Variants in PCDH9 observed in about 807,000 individuals in gnomAD.
PCDH9 encodes the protein protocadherin-9.
Under a neutral mutation model 70.6 loss-of-function variants are expected in PCDH9, and 24 were observed. That is an observed-to-expected ratio of 0.34 (90% CI 0.25 to 0.48). The LOEUF (loss-of-function observed/expected upper bound fraction) is 0.48. Ranked by LOEUF, PCDH9 falls within the 20% of genes least tolerant of loss-of-function variation. The probability of loss-of-function intolerance (pLI) is 0.99; values close to 1 mark genes in which losing one functional copy is unlikely to be tolerated. For synonymous variants in PCDH9, 562 were observed against 558.5 expected, an observed-to-expected ratio of 1.01 and a Z score of -0.09; for missense variants, 1,281 against 1,503.6, an observed-to-expected ratio of 0.85 and a Z score of 2.45.
chr13:66,995,317 C>T (rs2084090820), intron 2 of PCDH9, among the ~76,000 whole-genome samples: 1 of 152,044 alleles, frequency 6.6e-6, no homozygotes, highest in Non-Finnish European at 1.5e-5. Context: ...AAGAGGTGGA[C>T]AGTGATATAT....
At chr13:67,065,912 T>G (rs768115750) in intron 2 of PCDH9, among the ~76,000 whole-genome samples, 29 of 152,150 alleles carry the variant, frequency 1.9e-4, no homozygotes, top group Non-Finnish European at 4.1e-4. Flanking sequence ...TCAGTACATG[T>G]TTTGAAAGAC....
chr13:66,468,572 C>T (rs1463978618), intron 4 of PCDH9, among the ~76,000 whole-genome samples: 1 of 152,080 alleles, frequency 6.6e-6, no homozygotes, highest in Non-Finnish European at 1.5e-5. Flanking sequence ...TCTTGCAGTA[C>T]AATGATGATA....
intron 4 of PCDH9, among the ~76,000 whole-genome samples, chr13:66,374,376 G>A (rs903603976): frequency 2.0e-5 from 3 of 152,076 alleles, no homozygotes; most frequent in Admixed American, 6.6e-5. Flanking sequence ...AAAAATGAGC[G>A]TGAAGGAGGA....
rs9888518 is a variant in PCDH9, at chr13:66,852,984, G to A, written c.3138+50520C>T. Among the ~76,000 whole-genome samples, 1,396 of 151,848 alleles carry A rather than the reference G, an allele frequency of 9.2e-3. 19 individuals carry two copies. Among genetic ancestry groups the A allele is most frequent in the African/African-American group, 0.031 (1,292 of 41,324 alleles). On this transcript the variant is annotated intron_variant, in intron 3 of 4. Coordinates refer to ENST00000377865, the MANE Select transcript of PCDH9 (RefSeq NM_203487.3). Reference sequence around the variant, plus strand: ...AACGCAGAAGGAAAAAAGAGAAGAAGAGAAATAGTAAGAAATTACTTGAGA... The same window carrying A: ...AACGCAGAAGGAAAAAAGAGAAGAAAAGAAATAGTAAGAAATTACTTGAGA...
At chr13:67,158,336 C>G (rs941027592) in intron 2 of PCDH9, among the ~76,000 whole-genome samples, 8 of 152,114 alleles carry the variant, frequency 5.3e-5, no homozygotes, top group African/African-American at 1.9e-4. Context: ...ATTAAAAGTG[C>G]GAACTTATAC....
At chr13:66,704,148 T>G (rs2078682571) in intron 3 of PCDH9, among the ~76,000 whole-genome samples, 1 of 152,230 alleles carries the variant, frequency 6.6e-6, no homozygotes, top group African/African-American at 2.4e-5. Flanking sequence ...CATGTAGCTC[T>G]CATATAGAAA....
intron 4 of PCDH9, among the ~76,000 whole-genome samples, chr13:66,547,647 CATAA>C (rs1052854233): frequency 6.6e-6 from 1 of 151,906 alleles, no homozygotes. Flanking sequence ...CCAAAAATAA[CATAA>C]ATAATTGCCA....
chr13:66,321,278 G>A (rs959287464), intron 4 of PCDH9, among the ~76,000 whole-genome samples: 1 of 152,008 alleles, frequency 6.6e-6, no homozygotes, highest in African/African-American at 2.4e-5. Flanking sequence ...ATAAAATAAC[G>A]ATGTAATGAT....
At chr13:67,090,380 T>A (rs1187812722) in intron 2 of PCDH9, among the ~76,000 whole-genome samples, 1 of 152,052 alleles carries the variant, frequency 6.6e-6, no homozygotes, top group African/African-American at 2.4e-5. Context: ...GATACTAGTG[T>A]AAAATTTTAT....
At chr13:66,926,263 C>T (rs2082716252) in intron 2 of PCDH9, among the ~76,000 whole-genome samples, 1 of 151,944 alleles carries the variant, frequency 6.6e-6, no homozygotes, top group African/African-American at 2.4e-5. Context: ...TTGTTTAAAG[C>T]TGCAATGCCT....
At chr13:66,914,440 C>T (rs1288198119) in intron 2 of PCDH9, 1 of 151,860 alleles carries the variant, frequency 6.6e-6, no homozygotes, top group African/African-American at 2.4e-5. Context: ...GGAATACGAA[C>T]ACTTCTCTGA....
intron 3 of PCDH9, among the ~76,000 whole-genome samples, chr13:66,797,333 G>A (rs1233167487): frequency 6.6e-6 from 1 of 152,024 alleles, no homozygotes; most frequent in African/African-American, 2.4e-5. Context: ...ATGATTTATG[G>A]TTATTTAAAA....
At chr13:67,060,519 G>C (rs757864453) in intron 2 of PCDH9, among the ~76,000 whole-genome samples, 2 of 151,884 alleles carry the variant, frequency 1.3e-5, no homozygotes, top group Non-Finnish European at 2.9e-5. Flanking sequence ...CACTCTCTAA[G>C]ACCTGAGTAT....
chr13:66,701,365 A>G (rs1187011933), intron 3 of PCDH9, among the ~76,000 whole-genome samples: 1 of 152,074 alleles, frequency 6.6e-6, no homozygotes, highest in Non-Finnish European at 1.5e-5. Flanking sequence ...ATGTAAATAT[A>G]CCAGTGTATG....
chr13:66,838,057 T>C (rs1193300698), intron 3 of PCDH9, among the ~76,000 whole-genome samples: 1 of 152,232 alleles, frequency 6.6e-6, no homozygotes. Flanking sequence ...ATTAATCCAC[T>C]ATATCAAATT....
chr13:67,100,229 C>G (rs1255736721), intron 2 of PCDH9, among the ~76,000 whole-genome samples: 1 of 151,946 alleles, frequency 6.6e-6, no homozygotes, highest in Non-Finnish European at 1.5e-5. Context: ...TTAAAATTCT[C>G]ATTATATTAT....
At chr13:66,515,402 T>G (rs531749059) in intron 4 of PCDH9, among the ~76,000 whole-genome samples, 1 of 152,122 alleles carries the variant, frequency 6.6e-6, no homozygotes, top group South Asian at 2.1e-4. Context: ...ATTATAATAT[T>G]CTTAAGATAG....
At chr13:66,493,113 A>G (rs1238289094) in intron 4 of PCDH9, among the ~76,000 whole-genome samples, 2 of 152,212 alleles carry the variant, frequency 1.3e-5, no homozygotes, top group Non-Finnish European at 2.9e-5. Context: ...GCATATTTCA[A>G]AGGAATGCAA....
chr13:66,376,311 G>A (rs1445240819), intron 4 of PCDH9, among the ~76,000 whole-genome samples: 2 of 152,080 alleles, frequency 1.3e-5, no homozygotes, highest in Non-Finnish European at 1.5e-5. Context: ...AGTGAAGTAA[G>A]TTAGCTCCTG....
Sources: allele counts gnomAD v4.1 joint callset (sites outside exome capture counted in the v4.1 genomes callset), GRCh38; gene constraint gnomAD v4.1.1; transcripts MANE v1.5; gene names NCBI Gene and HGNC (gene_info 2026-07-23, HGNC 2026-07-21).